HS6ST3: variants seen among roughly 807,000 people sequenced by gnomAD.
The protein encoded by HS6ST3 is heparan-sulfate 6-O-sulfotransferase 3.
A neutral mutation model predicts 36.7 loss-of-function variants in HS6ST3; 12 were observed. That is an observed-to-expected ratio of 0.33 (90% CI 0.21 to 0.53). The LOEUF (loss-of-function observed/expected upper bound fraction) is 0.53. HS6ST3 is among the 20% of genes least tolerant of loss of function. The pLI is 0.95. For missense variants in HS6ST3, 584 were observed against 640.9 expected (o/e 0.91, Z 0.96); for synonymous variants, 240 against 257.5 (o/e 0.93, Z 0.65).
intron 1 of HS6ST3, among the ~76,000 whole-genome samples, chr13:96,777,172 G>T (rs1877408658): frequency 6.6e-6 from 1 of 152,066 alleles, no homozygotes; most frequent in Non-Finnish European, 1.5e-5. Context: ...CAATAAACTA[G>T]GTACTGATGG....
chr13:96,762,429 G>A (rs937236130), intron 1 of HS6ST3, among the ~76,000 whole-genome samples: 4 of 152,166 alleles, frequency 2.6e-5, no homozygotes, highest in Non-Finnish European at 2.9e-5. Context: ...GCAGTGAGCC[G>A]ATACAGTGCC....
At chr13:96,677,545 T>A (rs928339177) in intron 1 of HS6ST3, among the ~76,000 whole-genome samples, 1 of 152,148 alleles carries the variant, frequency 6.6e-6, no homozygotes. Context: ...TGTGTGTGTG[T>A]ATATGGATGT....
chr13:96,406,018 T>G (rs980051979), intron 1 of HS6ST3, among the ~76,000 whole-genome samples: 3 of 152,226 alleles, frequency 2.0e-5, no homozygotes. Flanking sequence ...TCTAATTCAC[T>G]TTTCAGCTGT....
chr13:96,506,391 G>A (rs1161153319), intron 1 of HS6ST3, among the ~76,000 whole-genome samples: 1 of 152,118 alleles, frequency 6.6e-6, no homozygotes, highest in African/African-American at 2.4e-5. Flanking sequence ...TCTGATTCCA[G>A]GAATATTTCC....
intron 1 of HS6ST3, among the ~76,000 whole-genome samples, chr13:96,159,606 T>C (rs1394385457): frequency 6.6e-6 from 1 of 152,254 alleles, no homozygotes; most frequent in Non-Finnish European, 1.5e-5. Flanking sequence ...ACTGGTTATA[T>C]TGTAATTTGT....
chr13:96,685,498 A>T (rs549862673), intron 1 of HS6ST3, among the ~76,000 whole-genome samples: 2 of 152,156 alleles, frequency 1.3e-5, no homozygotes, highest in South Asian at 4.1e-4. Flanking sequence ...TGCCACCAGG[A>T]TGTAGTATTT....
At chr13:96,253,765 G>A (rs550102943) in intron 1 of HS6ST3, among the ~76,000 whole-genome samples, 1 of 152,218 alleles carries the variant, frequency 6.6e-6, no homozygotes, top group South Asian at 2.1e-4. Context: ...TTACTCGTCT[G>A]CATCCAGATC....
At position 96,264,735 on chromosome 13, in the gene HS6ST3, C is replaced by T. The variant is rs78234977; in HGVS notation, c.707+173166C>T. Among the ~76,000 whole-genome samples the T allele has an allele frequency of 2.3e-3, 344 of 152,242 alleles. 2 individuals carry two copies. The highest frequency in any genetic ancestry group is 7.8e-3 in the African/African-American group (324 of 41,536). The stretch of plus-strand genomic sequence containing the variant: ...TGGGGAGATGAGAGGTTTTGCAGCT[C>T]TCCAAAGCAATCCAGTGTCACCATG... On this transcript the variant is annotated intron_variant, in intron 1 of 1. Transcript: ENST00000376705.
intron 1 of HS6ST3, among the ~76,000 whole-genome samples, chr13:96,137,961 ATAAG>A (rs1212101578): frequency 6.6e-6 from 1 of 152,226 alleles, no homozygotes; most frequent in Non-Finnish European, 1.5e-5. Flanking sequence ...TAAAATGCTG[ATAAG>A]TAAGTGTCTA....
At chr13:96,359,717 C>T (rs2055227793) in intron 1 of HS6ST3, among the ~76,000 whole-genome samples, 1 of 152,150 alleles carries the variant, frequency 6.6e-6, no homozygotes, top group African/African-American at 2.4e-5. Context: ...CATGCTGATT[C>T]TGAAGTTATT....
intron 1 of HS6ST3, among the ~76,000 whole-genome samples, chr13:96,419,798 C>T (rs879697609): frequency 1.3e-5 from 2 of 152,108 alleles, no homozygotes; most frequent in African/African-American, 2.4e-5. Flanking sequence ...CACGCATAGT[C>T]GTCTTCTCCT....
At chr13:96,685,689 A>G (rs1437468778) in intron 1 of HS6ST3, among the ~76,000 whole-genome samples, 4 of 152,116 alleles carry the variant, frequency 2.6e-5, no homozygotes, top group Non-Finnish European at 5.9e-5. Context: ...AAAAAGAAGT[A>G]GAATTATACC....
intron 1 of HS6ST3, among the ~76,000 whole-genome samples, chr13:96,219,812 T>C (rs1215949217): frequency 1.3e-5 from 2 of 152,146 alleles, no homozygotes; most frequent in Non-Finnish European, 2.9e-5. Context: ...GCCTCCCAAG[T>C]AGCTGGGACT....
At chr13:96,826,642 C>A (rs1878654395) in intron 1 of HS6ST3, among the ~76,000 whole-genome samples, 1 of 152,008 alleles carries the variant, frequency 6.6e-6, no homozygotes, top group Non-Finnish European at 1.5e-5. Context: ...GGAAGATATG[C>A]AGGATACCAA....
chr13:96,598,485 G>A (rs1439193420), intron 1 of HS6ST3, among the ~76,000 whole-genome samples: 1 of 152,032 alleles, frequency 6.6e-6, no homozygotes. Context: ...CTTGGCCATT[G>A]TTGGTATATA....
chr13:96,591,672 A>C (rs1190251947), intron 1 of HS6ST3, among the ~76,000 whole-genome samples: 1 of 151,976 alleles, frequency 6.6e-6, no homozygotes, highest in Non-Finnish European at 1.5e-5. Context: ...TTCTTTCCAA[A>C]CTGGATGCCC....
chr13:96,755,135 GT>G lies in HS6ST3; in HGVS notation c.708-77346del, dbSNP rs560000148. Among the ~76,000 whole-genome samples the G allele has an allele frequency of 4.9e-3, 738 of 151,232 alleles. 4 individuals are homozygous for G. Among genetic ancestry groups the G allele is most frequent in the Non-Finnish European group, 7.8e-3 (525 of 67,716 alleles). The stretch of plus-strand genomic sequence containing the variant: ...ATATACATTTTCTTCACCCCAGAAA[GT>G]TTTTTTTTGTACTCATTTCTGGTCA... On this transcript the variant is annotated intron_variant, in intron 1 of 1. Coordinates refer to ENST00000376705, the MANE Select transcript of HS6ST3 (RefSeq NM_153456.4).
chr13:96,301,306 C>A (rs970285055), intron 1 of HS6ST3, among the ~76,000 whole-genome samples: 14 of 152,178 alleles, frequency 9.2e-5, no homozygotes, highest in African/African-American at 3.1e-4. Flanking sequence ...GAAGAGAGAA[C>A]AATGGGAAAA....
intron 1 of HS6ST3, among the ~76,000 whole-genome samples, chr13:96,191,207 C>T (rs1421875221): frequency 2.0e-5 from 3 of 152,186 alleles, no homozygotes; most frequent in African/African-American, 7.2e-5. Flanking sequence ...ACTGTTTTTT[C>T]TGCCTCTAGA....
Sources: allele counts gnomAD v4.1 joint callset (sites outside exome capture counted in the v4.1 genomes callset), GRCh38; gene constraint gnomAD v4.1.1; transcripts MANE v1.5; gene names NCBI Gene and HGNC (gene_info 2026-07-23, HGNC 2026-07-21).